Variants in UBE2B observed in about 807,000 individuals in gnomAD.
UBE2B encodes ubiquitin conjugating enzyme E2 B.
In UBE2B, 11 loss-of-function variants were observed where a neutral mutation model predicts 24.6. The ratio of observed to expected loss-of-function variants is 0.45; its 90% CI spans 0.28 to 0.74. The LOEUF is 0.74. Ranked by LOEUF, UBE2B falls within the 30% of genes least tolerant of loss-of-function variation. The pLI is 0.13. For synonymous variants in UBE2B, 68 were observed against 62.4 expected, an observed-to-expected ratio of 1.09 and a Z score of -0.42; for missense variants, 78 against 185.6, an observed-to-expected ratio of 0.42 and a Z score of 3.37.
chr5:134,385,765 G>A (rs1038652598), intron 4 of UBE2B: 1 of 152,214 alleles, frequency 6.6e-6, no homozygotes, highest in African/African-American at 2.4e-5. Flanking sequence ...TGTAGTCCCA[G>A]CACTTTGGGA....
At chr5:134,385,148 G>A (rs1758777970) in intron 4 of UBE2B, among the ~76,000 whole-genome samples, 1 of 152,170 alleles carries the variant, frequency 6.6e-6, no homozygotes, top group South Asian at 2.1e-4. Flanking sequence ...TAGTTACTCA[G>A]AACTTTAAAA....
rs778920968 is a variant in UBE2B, at chr5:134,371,582, G to A, written c.-14G>A. 5 of 1,612,454 alleles carry A rather than the reference G, an allele frequency of 3.1e-6. No homozygotes were observed. Among genetic ancestry groups the A allele is most frequent in the Non-Finnish European group, 3.4e-6 (4 of 1,179,724 alleles). On this transcript the variant is annotated 5_prime_UTR_variant, in exon 1 of 6. Coordinates refer to ENST00000265339, the MANE Select transcript of UBE2B (RefSeq NM_003337.4). Reference sequence around the variant, plus strand: ...TTTTTTTTTTTCAGACTGACCGCGGGGCAGCTGCGGAGCATGTCGACCCCG... The same window carrying A: ...TTTTTTTTTTTCAGACTGACCGCGGAGCAGCTGCGGAGCATGTCGACCCCG...
At position 134,375,066 on chromosome 5, in the gene UBE2B, G is replaced by A. The variant is rs145474019; in HGVS notation, c.125+603G>A. 1.8e-3 allele frequency among the ~76,000 whole-genome samples: 269 copies of A among 152,144 alleles called. 4 individuals carry two copies. The highest frequency in any genetic ancestry group is 3.4e-3 in the Middle Eastern group (1 of 294). On this transcript the variant is annotated intron_variant, in intron 2 of 5. Coordinates refer to ENST00000265339, the MANE Select transcript of UBE2B (RefSeq NM_003337.4). ...TTTAAAATACTATTCAAAACTAAATGGAATGGAATAATAAAGGAGAAACAA... is the reference window on the plus strand; with the variant it reads ...TTTAAAATACTATTCAAAACTAAATAGAATGGAATAATAAAGGAGAAACAA...
At chr5:134,375,170 T>G (rs141302329) in intron 2 of UBE2B, among the ~76,000 whole-genome samples, 4 of 152,168 alleles carry the variant, frequency 2.6e-5, no homozygotes, top group African/African-American at 9.7e-5. Flanking sequence ...ACCAAAAATA[T>G]TAAGAACTTC....
At chr5:134,373,567 G>A (rs1337137432) in intron 1 of UBE2B, among the ~76,000 whole-genome samples, 2 of 152,082 alleles carry the variant, frequency 1.3e-5, no homozygotes, top group Admixed American at 6.5e-5. Context: ...CATGTGCCAT[G>A]TTGGTGTGCT....
At chr5:134,382,365 G>C (rs35391257) in intron 4 of UBE2B, among the ~76,000 whole-genome samples, 1 of 151,992 alleles carries the variant, frequency 6.6e-6, no homozygotes, top group Non-Finnish European at 1.5e-5. Flanking sequence ...GAGGTGAGAG[G>C]ATCACTTGAG....
At chr5:134,380,318 C>T (rs1051015126) in intron 3 of UBE2B, among the ~76,000 whole-genome samples, 4 of 152,244 alleles carry the variant, frequency 2.6e-5, no homozygotes, top group Non-Finnish European at 4.4e-5. Flanking sequence ...TCTGGGCTCA[C>T]TGCAACCTCC....
intron 3 of UBE2B, among the ~76,000 whole-genome samples, chr5:134,378,595 GTA>G (rs371704174): frequency 8.8e-4 from 134 of 152,260 alleles, no homozygotes; most frequent in African/African-American, 3.1e-3. Context: ...GAAGTAGAAT[GTA>G]TGAACAAAGC....
At position 134,371,613 on chromosome 5, in the gene UBE2B, G is replaced by C; in HGVS notation, c.18G>C (p.Arg6=). 1 of 1,613,182 alleles carries C rather than the reference G, an allele frequency of 6.2e-7. No homozygotes were observed. Among genetic ancestry groups the C allele is most frequent in the Non-Finnish European group, 8.5e-7 (1 of 1,179,876 alleles). MSTPA[R]RRLMRDFKRL... ...TGCGGAGCATGTCGACCCCGGCCCG[G>C]AGGAGGCTCATGCGGGATTTCAAGC... Residue 6 remains arginine (R), a synonymous_variant, in exon 1 of 6, where the codon CGG becomes CGC. Coordinates refer to ENST00000265339, the MANE Select transcript of UBE2B (RefSeq NM_003337.4).
intron 3 of UBE2B, among the ~76,000 whole-genome samples, chr5:134,377,659 T>C (rs1032657145): frequency 6.6e-6 from 1 of 152,152 alleles, no homozygotes; most frequent in African/African-American, 2.4e-5. Flanking sequence ...CGTTACCTTT[T>C]TTCTCTACAT....
intron 3 of UBE2B, among the ~76,000 whole-genome samples, chr5:134,380,363 A>G (rs1486061255): frequency 6.6e-6 from 1 of 152,196 alleles, no homozygotes; most frequent in Admixed American, 6.5e-5. Flanking sequence ...TGTGGTAGTC[A>G]GACCCTCTCA....
At chr5:134,377,583 A>T (rs897869476) in intron 3 of UBE2B, among the ~76,000 whole-genome samples, 1 of 152,232 alleles carries the variant, frequency 6.6e-6, no homozygotes, top group African/African-American at 2.4e-5. Context: ...TTAAAGGGTT[A>T]TATATCAAAC....
chr5:134,381,362 C>A (rs1758706883), intron 4 of UBE2B, among the ~76,000 whole-genome samples: 1 of 152,106 alleles, frequency 6.6e-6, no homozygotes, highest in African/African-American at 2.4e-5. Flanking sequence ...TTCAAGTAAT[C>A]CTCCTGCCTC....
At chr5:134,381,393 C>T (rs939405829) in intron 4 of UBE2B, among the ~76,000 whole-genome samples, 5 of 152,088 alleles carry the variant, frequency 3.3e-5, no homozygotes, top group South Asian at 2.1e-4. Context: ...CTAGCTGGGA[C>T]GACAGGTGTG....
chr5:134,380,035 C>T (rs1561680823), intron 3 of UBE2B, among the ~76,000 whole-genome samples: 1 of 152,014 alleles, frequency 6.6e-6, no homozygotes, highest in Non-Finnish European at 1.5e-5. Flanking sequence ...CTTGCCTCAC[C>T]CTCCTGAGTA....
intron 1 of UBE2B, among the ~76,000 whole-genome samples, chr5:134,371,919 C>T (rs1377005129): frequency 1.3e-5 from 2 of 152,246 alleles, no homozygotes; most frequent in Non-Finnish European, 1.5e-5. Context: ...GGCCAGCTGC[C>T]CGGCGTCTCG....
intron 1 of UBE2B, 141 bp downstream of exon 1, chr5:134,371,780 C>A: frequency 7.7e-7 from 1 of 1,304,080 alleles, no homozygotes; most frequent in Non-Finnish European, 1.1e-6. Context: ...CGGGTCCTAG[C>A]CTCGGCCCTA....
chr5:134,382,764 A>T (rs1232204367), intron 4 of UBE2B, among the ~76,000 whole-genome samples: 1 of 151,344 alleles, frequency 6.6e-6, no homozygotes. Flanking sequence ...ACAAAGCAAG[A>T]CCCTATCTCA....
At chr5:134,388,456 T>A in intron 5 of UBE2B, 43 bp downstream of exon 5, 1 of 1,565,822 alleles carries the variant, frequency 6.4e-7, no homozygotes, top group Non-Finnish European at 8.8e-7. Context: ...CAGTATTCTG[T>A]AGGATATAGT....
Sources: gnomAD v4.1 joint callset for allele counts (sites outside exome capture counted in the v4.1 genomes callset) on GRCh38, gnomAD v4.1.1 for gene constraint, MANE v1.5 for transcripts, NCBI Gene and HGNC (gene_info 2026-07-23, HGNC 2026-07-21) for gene names.